The following SHROOM3 variants were observed in gnomAD, a reference collection of about 807,000 sequenced individuals.
The protein encoded by SHROOM3 is protein Shroom3.
Under a neutral mutation model 138.6 loss-of-function variants are expected in SHROOM3, and 47 were observed. The observed-to-expected ratio is 0.34, with a 90% CI of 0.27 to 0.43. SHROOM3 has a LOEUF of 0.43. SHROOM3 is among the 20% of genes least tolerant of loss of function. SHROOM3 has a pLI of 1.00. For synonymous variants in SHROOM3, 1,062 were observed against 1,063.3 expected (o/e 1.00, Z 0.02); for missense variants, 2,491 against 2,596.5 (o/e 0.96, Z 0.88).
chr4:76,736,853 GCCT>G (rs1429040336), intron 4 of SHROOM3, among the ~76,000 whole-genome samples: 1 of 152,134 alleles, frequency 6.6e-6, no homozygotes, highest in Non-Finnish European at 1.5e-5. Context: ...TACATGCACA[GCCT>G]CCTCCATTTT....
chr4:76,780,873 G>GC lies in SHROOM3; in HGVS notation c.*1697dup, dbSNP rs2109802046. ...AGTGACAGCATTCAACAGCCACACT[G>GC]CATGGTCATCAGTCTTAGGCCAACA... On this transcript the variant is annotated 3_prime_UTR_variant, in exon 11 of 11. Coordinates refer to ENST00000296043, the MANE Select transcript of SHROOM3 (RefSeq NM_020859.4). 1 of 152,320 alleles carries GC rather than the reference G, an allele frequency of 6.6e-6. No homozygotes were observed. The highest frequency in any genetic ancestry group is 6.5e-5 in the Admixed American group (1 of 15,296). The allele number at this position is 152,320 out of a possible 1,614,324, so 9.4% of individuals were successfully genotyped here.
At chr4:76,491,500 G>A (rs549126837) in intron 1 of SHROOM3, among the ~76,000 whole-genome samples, 13 of 152,150 alleles carry the variant, frequency 8.5e-5, no homozygotes, top group Non-Finnish European at 1.5e-4. Context: ...AGGCACAGGT[G>A]GATACTTATT....
At chr4:76,439,833 G>A (rs66785096) in intron 1 of SHROOM3, among the ~76,000 whole-genome samples, 23,931 of 152,178 alleles carry the variant, frequency 0.16, 1,928 homozygotes, top group South Asian at 0.23. Context: ...GATCTACAAA[G>A]GGTAACAATA....
At chr4:76,724,559 A>C (rs1720644831) in intron 3 of SHROOM3, among the ~76,000 whole-genome samples, 1 of 152,222 alleles carries the variant, frequency 6.6e-6, no homozygotes, top group African/African-American at 2.4e-5. Context: ...AAAAGTTACA[A>C]AATGAAATAC....
In SHROOM3 at chr4:76,739,473, A is replaced by G. The variant is rs374712873; in HGVS notation, c.1300A>G (p.Thr434Ala). The change falls in exon 5 of 11, where the codon ACT (threonine) becomes GCT (alanine). Residue 434 changes from threonine to alanine, a missense_variant. Physicochemically the swap from Thr to Ala is moderately conservative, Grantham distance 58 (BLOSUM62 0). Coordinates refer to ENST00000296043, the MANE Select transcript of SHROOM3 (RefSeq NM_020859.4). ...KSPFIEEQLH[T>A]VLEKSPENSP... ...TCCATTCATAGAGGAGCAGCTGCAT[A>G]CTGTGCTGGAGAAGAGTCCAGAGAA... 79 of 1,614,042 alleles carry G rather than the reference A, an allele frequency of 4.9e-5. No homozygotes were observed. The highest frequency in any genetic ancestry group is 1.5e-4 in the South Asian group (14 of 91,086).
intron 1 of SHROOM3, among the ~76,000 whole-genome samples, chr4:76,516,438 G>A (rs546890207): frequency 2.8e-4 from 43 of 152,188 alleles, no homozygotes; most frequent in Middle Eastern, 3.4e-3. Context: ...CTTATGACAT[G>A]AAGGACTGGG....
At chr4:76,667,966 C>CAAAAAAAAAAAAAAAAAAAAA (rs747974205) in intron 2 of SHROOM3, among the ~76,000 whole-genome samples, 3 of 62,558 alleles carry the variant, frequency 4.8e-5, no homozygotes, top group Non-Finnish European at 5.8e-5. Flanking sequence ...GACTCCCTCT[C>CAAAAAAAAAAAAAAAAAAAAA]AAAAAAAAAA....
chr4:76,627,479 G>T (rs1577930051), intron 2 of SHROOM3, among the ~76,000 whole-genome samples: 2 of 152,026 alleles, frequency 1.3e-5, no homozygotes, highest in African/African-American at 4.8e-5. Context: ...ACCCAATATT[G>T]TGTTCTCTAT....
rs1381899259 is a variant in SHROOM3, at chr4:76,574,658, C to T, written c.323+18895C>T. 2.0e-5 allele frequency among the ~76,000 whole-genome samples: 3 copies of T among 152,114 alleles called. No individual in the cohort carries two copies. In the East Asian group the frequency reaches 5.8e-4, roughly 29 times the overall value. On this transcript the variant is annotated intron_variant, in intron 2 of 10. Coordinates refer to ENST00000296043, the MANE Select transcript of SHROOM3 (RefSeq NM_020859.4). ...TATAGCCTTAAAAGCAAAGGAAATT[C>T]TGATATATGCTACAACATGGATGAA... is the stretch of plus-strand genomic sequence containing the variant.
chr4:76,653,287 G>A (rs1407579930), intron 2 of SHROOM3, among the ~76,000 whole-genome samples: 1 of 151,728 alleles, frequency 6.6e-6, no homozygotes, highest in African/African-American at 2.4e-5. Flanking sequence ...TACTGTTTGG[G>A]GTTGGATAGT....
chr4:76,467,245 C>T (rs1464189691), intron 1 of SHROOM3, among the ~76,000 whole-genome samples: 1 of 151,984 alleles, frequency 6.6e-6, no homozygotes, highest in Non-Finnish European at 1.5e-5. Flanking sequence ...TGGGGTTTCA[C>T]CATGTTGCCC....
intron 10 of SHROOM3, among the ~76,000 whole-genome samples, chr4:76,778,438 G>A (rs1245152827): frequency 6.6e-6 from 1 of 151,888 alleles, no homozygotes; most frequent in Non-Finnish European, 1.5e-5. Context: ...GCCAGGCTGG[G>A]TTTGAACTCC....
intron 1 of SHROOM3, among the ~76,000 whole-genome samples, chr4:76,480,466 A>G (rs944695858): frequency 1.3e-5 from 2 of 152,242 alleles, no homozygotes; most frequent in East Asian, 1.9e-4. Flanking sequence ...CACCCAATAC[A>G]GGAGCACCCA....
At chr4:76,484,946 C>T (rs1321389746) in intron 1 of SHROOM3, among the ~76,000 whole-genome samples, 1 of 152,150 alleles carries the variant, frequency 6.6e-6, no homozygotes, top group Non-Finnish European at 1.5e-5. Context: ...GCTCTGCCCA[C>T]CAAAATATAA....
chr4:76,688,012 G>T lies in SHROOM3; in HGVS notation c.324-22144G>T, dbSNP rs78339365. Among the ~76,000 whole-genome samples, 1,065 of 152,306 alleles carry T rather than the reference G, an allele frequency of 7.0e-3. 21 individuals carry two copies. The highest frequency in any genetic ancestry group is 0.025 in the African/African-American group (1,024 of 41,558). On this transcript the variant is annotated intron_variant, in intron 2 of 10. Coordinates refer to ENST00000296043, the MANE Select transcript of SHROOM3 (RefSeq NM_020859.4). ...ACGCGCAATGGCAGCGGCAATGTGC[G>T]TTATAAACTGCAAGGGCTGACCACT...
Position 76,780,165 on chromosome 4 carries a change from T to A in SHROOM3, c.*988T>A, listed in dbSNP as rs539200978. 3 of 152,076 alleles carry A rather than the reference T, an allele frequency of 2.0e-5. No homozygotes were observed. The highest frequency in any genetic ancestry group is 3.9e-4 in the East Asian group (2 of 5,182). 9.4% of individuals were successfully genotyped at this position (152,076 alleles called of 1,614,324 possible). On this transcript the variant is annotated 3_prime_UTR_variant, in exon 11 of 11. Coordinates refer to ENST00000296043, the MANE Select transcript of SHROOM3 (RefSeq NM_020859.4). ...TTAATGATGCTTTAAAAAAAAAAAA[T>A]GTTTTCTAAAATGTCAAACCTGTTG...
Position 76,435,473 on chromosome 4 carries a change from G to C in SHROOM3, c.-580G>C, listed in dbSNP as rs780059198. ...TTTAGCACAGCTTCTCTGTCTCTTC[G>C]GGACAAGTTAGAAAATTCTGAAGTG... On this transcript the variant is annotated 5_prime_UTR_variant, in exon 1 of 11. Transcript: ENST00000296043. The C allele has an allele frequency of 1.3e-5, 2 of 152,080 alleles. No homozygotes were observed. Among genetic ancestry groups the C allele is most frequent in the Admixed American group, 6.5e-5 (1 of 15,268 alleles). The allele number at this position is 152,080 out of a possible 1,614,324, so 9.4% of individuals were successfully genotyped here.
At chr4:76,589,104 T>C (rs1734209596) in intron 2 of SHROOM3, among the ~76,000 whole-genome samples, 1 of 152,360 alleles carries the variant, frequency 6.6e-6, no homozygotes, top group South Asian at 2.1e-4. Flanking sequence ...TCTGATCCCA[T>C]TGAGATAAAA....
At chr4:76,608,728 C>CAGCATAGCATAGCAT (rs201721082) in intron 2 of SHROOM3, among the ~76,000 whole-genome samples, 1 of 54,112 alleles carries the variant, frequency 1.8e-5, no homozygotes, top group Non-Finnish European at 4.3e-5. Context: ...CAGCACAGCA[C>CAGCATAGCATAGCAT]AGCATAGCAT....
Sources: allele counts gnomAD v4.1 joint callset (sites outside exome capture counted in the v4.1 genomes callset), GRCh38; gene constraint gnomAD v4.1.1; transcripts MANE v1.5; gene names NCBI Gene and HGNC (gene_info 2026-07-23, HGNC 2026-07-21).